The following LRCH1 variants were observed in gnomAD, a reference collection of about 807,000 sequenced individuals.
LRCH1 encodes the protein leucine-rich repeat and calponin homology domain-containing protein 1.
LRCH1 carries 23 observed loss-of-function variants against 94.9 expected under a neutral mutation model. That is an observed-to-expected ratio of 0.24 (90% CI 0.17 to 0.34). The LOEUF is 0.34. Ranked by LOEUF, LRCH1 falls within the 10% of genes least tolerant of loss-of-function variation. The pLI, the probability that LRCH1 is intolerant of heterozygous loss-of-function variation, is 1.00. For missense variants in LRCH1, 790 were observed against 945.9 expected, an observed-to-expected ratio of 0.84 and a Z score of 2.16; for synonymous variants, 364 against 354.9, an observed-to-expected ratio of 1.03 and a Z score of -0.29.
intron 1 of LRCH1, among the ~76,000 whole-genome samples, chr13:46,609,470 T>C (rs1018838969): frequency 6.6e-6 from 1 of 152,188 alleles, no homozygotes; most frequent in Non-Finnish European, 1.5e-5. Flanking sequence ...GGAAATAAAT[T>C]GTCTGTTTTT....
chr13:46,663,087 G>A (rs1331423956), intron 2 of LRCH1, among the ~76,000 whole-genome samples: 3 of 152,100 alleles, frequency 2.0e-5, no homozygotes, highest in African/African-American at 7.2e-5. Context: ...GTCACAGTCA[G>A]GTTGTAGTTA....
chr13:46,572,573 C>T lies in LRCH1; in HGVS notation c.307+18870C>T, dbSNP rs560141605. On this transcript the variant is annotated intron_variant, in intron 1 of 19. Transcript: ENST00000389797. ...ATAGTTTGAAAGAAGCTACCTATAA[C>T]GACTGTTTTCATTATATTGACTAAA... Among the ~76,000 whole-genome samples the T allele has an allele frequency of 5.9e-5, 9 of 152,006 alleles. No individual in the cohort carries two copies. The South Asian group carries it at 1.9e-3, about 32-fold the overall frequency.
At chr13:46,622,532 A>G (rs1006847126) in intron 1 of LRCH1, among the ~76,000 whole-genome samples, 48 of 152,244 alleles carry the variant, frequency 3.2e-4, no homozygotes, top group Non-Finnish European at 6.3e-4. Flanking sequence ...CAGTGTCAGT[A>G]GAGCTTCCTC....
At chr13:46,575,630 CT>C (rs1349638228) in intron 1 of LRCH1, among the ~76,000 whole-genome samples, 1 of 151,658 alleles carries the variant, frequency 6.6e-6, no homozygotes, top group Non-Finnish European at 1.5e-5. Flanking sequence ...TGCTTGTCAG[CT>C]TCTTGTGTTG....
intron 3 of LRCH1, among the ~76,000 whole-genome samples, chr13:46,679,484 C>T (rs1051468569): frequency 2.0e-5 from 3 of 152,202 alleles, no homozygotes; most frequent in African/African-American, 4.8e-5. Flanking sequence ...ACTGACTCAG[C>T]GAGGGGCTGA....
At chr13:46,736,008 G>A (rs566882684) in intron 19 of LRCH1, among the ~76,000 whole-genome samples, 1 of 151,986 alleles carries the variant, frequency 6.6e-6, no homozygotes, top group Middle Eastern at 3.4e-3. Context: ...TGTTGGCCAG[G>A]CTGGTCGCGA....
Position 46,711,805 on chromosome 13 carries a change from A to G in LRCH1, c.1542A>G (p.Leu514=). Residue 514 remains leucine, a synonymous_variant, in exon 14 of 20, where the codon CTA becomes CTG. Transcript: ENST00000389797. ...TCTTTTTTAAGGTGCAAAGTGATCT[A>G]ACATTACAGAGTAACGGGAGCCAGT... ...TSPVCEVQSD[L]TLQSNGSQYS... is the part of the protein sequence containing the mutation. The G allele has an allele frequency of 6.2e-7, 1 of 1,613,246 alleles. No homozygotes were observed. Among genetic ancestry groups the G allele is most frequent in the East Asian group, 2.2e-5 (1 of 44,832 alleles).
intron 1 of LRCH1, among the ~76,000 whole-genome samples, chr13:46,600,615 ATT>A (rs1247480546): frequency 8.2e-6 from 1 of 121,214 alleles, no homozygotes; most frequent in African/African-American, 3.4e-5. Flanking sequence ...TCCTGACCAG[ATT>A]TACACACACA....
intron 18 of LRCH1, 53 bp from the exon 19 acceptor site, chr13:46,733,868 A>C (rs749370383): frequency 9.0e-6 from 10 of 1,113,338 alleles, no homozygotes; most frequent in Admixed American, 2.3e-5. Flanking sequence ...ACATGTTATT[A>C]AAATGGTTTC....
intron 1 of LRCH1, among the ~76,000 whole-genome samples, chr13:46,619,967 G>A (rs2050861973): frequency 6.6e-6 from 1 of 152,146 alleles, no homozygotes; most frequent in African/African-American, 2.4e-5. Flanking sequence ...TACATGTTCA[G>A]TGGAAAGGGT....
At chr13:46,716,544 AT>A (rs891601310) in intron 16 of LRCH1, among the ~76,000 whole-genome samples, 1 of 152,228 alleles carries the variant, frequency 6.6e-6, no homozygotes, top group Non-Finnish European at 1.5e-5. Flanking sequence ...TATAGCCACA[AT>A]GCAAACACAA....
At chr13:46,572,403 A>G (rs1286590020) in intron 1 of LRCH1, among the ~76,000 whole-genome samples, 2 of 152,224 alleles carry the variant, frequency 1.3e-5, no homozygotes, top group Admixed American at 1.3e-4. Flanking sequence ...ATCACAGCCT[A>G]TTATACATAT....
intron 13 of LRCH1, among the ~76,000 whole-genome samples, chr13:46,709,623 G>A (rs951948427): frequency 5.9e-5 from 9 of 151,998 alleles, no homozygotes; most frequent in Middle Eastern, 3.4e-3. Context: ...CCATGATTTC[G>A]GGAGTCCCTA....
intron 7 of LRCH1, 25 bp downstream of exon 7, chr13:46,689,221 T>G (rs1870772683): frequency 6.3e-7 from 1 of 1,593,246 alleles, no homozygotes; most frequent in Non-Finnish European, 8.6e-7. Flanking sequence ...CAGATTCTTT[T>G]CCTTCTGTAC....
At chr13:46,593,768 A>G (rs912428) in intron 1 of LRCH1, among the ~76,000 whole-genome samples, 128,218 of 152,116 alleles carry the variant, frequency 0.84, 54,205 homozygotes, top group East Asian at 0.91. Flanking sequence ...GAGACTCCCA[A>G]TCTCTGTCAG....
At chr13:46,665,700 C>T (rs1174281948) in intron 2 of LRCH1, among the ~76,000 whole-genome samples, 1 of 152,000 alleles carries the variant, frequency 6.6e-6, no homozygotes. Flanking sequence ...AGACTTGGCT[C>T]TGGTGATGTA....
chr13:46,615,766 C>G (rs1350199699), intron 1 of LRCH1, among the ~76,000 whole-genome samples: 1 of 152,184 alleles, frequency 6.6e-6, no homozygotes, highest in Non-Finnish European at 1.5e-5. Flanking sequence ...ATATTTCTGA[C>G]ATGTACAGAC....
chr13:46,628,811 T>C (rs1594298544), intron 1 of LRCH1, among the ~76,000 whole-genome samples: 1 of 152,022 alleles, frequency 6.6e-6, no homozygotes, highest in East Asian at 1.9e-4. Flanking sequence ...AAAACAGTAA[T>C]GTGTGGAGAC....
chr13:46,729,081 T>C, intron 18 of LRCH1, 97 bp downstream of exon 18: 6 of 1,197,532 alleles, frequency 5.0e-6, no homozygotes, highest in Non-Finnish European at 6.7e-6. Context: ...AGGAGCTTGC[T>C]CAAATCTTTT....
Sources: gnomAD v4.1 joint callset for allele counts (sites outside exome capture counted in the v4.1 genomes callset) on GRCh38, gnomAD v4.1.1 for gene constraint, MANE v1.5 for transcripts, NCBI Gene and HGNC (gene_info 2026-07-23, HGNC 2026-07-21) for gene names.